Variants in IGSF21 observed in about 807,000 individuals in gnomAD.
IGSF21 encodes immunoglobulin superfamily member 21.
In IGSF21, 28 loss-of-function variants were observed where a neutral mutation model predicts 46.8. That is an observed-to-expected ratio of 0.60 (90% CI 0.44 to 0.82). IGSF21 has a LOEUF of 0.82. IGSF21 is among the 40% of genes least tolerant of loss of function. IGSF21 has a pLI of 0.00. For synonymous variants in IGSF21, 284 were observed against 273.6 expected, an observed-to-expected ratio of 1.04 and a Z score of -0.38; for missense variants, 624 against 665.5, an observed-to-expected ratio of 0.94 and a Z score of 0.69.
intron 2 of IGSF21, among the ~76,000 whole-genome samples, chr1:18,246,334 A>T (rs1256813242): frequency 6.6e-6 from 1 of 151,602 alleles, no homozygotes; most frequent in Non-Finnish European, 1.5e-5. Context: ...CTGCCTATAG[A>T]TTTGCCCTTG....
chr1:18,360,124 C>T (rs1435256038), intron 4 of IGSF21, among the ~76,000 whole-genome samples: 1 of 152,066 alleles, frequency 6.6e-6, no homozygotes. Flanking sequence ...AAGAGTTAGC[C>T]GTTGTGGATT....
chr1:18,274,716 T>C (rs1022454671), intron 2 of IGSF21, among the ~76,000 whole-genome samples: 1 of 152,230 alleles, frequency 6.6e-6, no homozygotes, highest in African/African-American at 2.4e-5. Flanking sequence ...ATCTCTTTCT[T>C]GCTTAGAACT....
chr1:18,342,837 T>G (rs1022598197), intron 4 of IGSF21, among the ~76,000 whole-genome samples: 2 of 152,222 alleles, frequency 1.3e-5, no homozygotes, highest in African/African-American at 4.8e-5. Flanking sequence ...CATTCCTCAG[T>G]GGATGGAAAT....
intron 1 of IGSF21, among the ~76,000 whole-genome samples, chr1:18,123,935 T>C (rs2086255135): frequency 6.6e-6 from 1 of 152,170 alleles, no homozygotes; most frequent in Admixed American, 6.5e-5. Flanking sequence ...AGGCCTGGAC[T>C]CTGCTGGCCC....
chr1:18,362,700 A>G (rs1429054475), intron 5 of IGSF21, among the ~76,000 whole-genome samples: 3 of 152,236 alleles, frequency 2.0e-5, no homozygotes, highest in African/African-American at 4.8e-5. Flanking sequence ...CCCATCTGAA[A>G]GGAGGGACAG....
chr1:18,124,579 G>A (rs550912100), intron 1 of IGSF21, among the ~76,000 whole-genome samples: 3 of 152,134 alleles, frequency 2.0e-5, no homozygotes, highest in East Asian at 1.9e-4. Flanking sequence ...GTGGCTCTTC[G>A]TGTCTCAGGG....
intron 2 of IGSF21, among the ~76,000 whole-genome samples, chr1:18,275,078 A>G (rs901543656): frequency 2.6e-5 from 4 of 152,188 alleles, no homozygotes; most frequent in Admixed American, 2.0e-4. Flanking sequence ...GTGTGGCCCA[A>G]TGCAGAATGA....
chr1:18,303,929 T>A (rs2124578071), intron 3 of IGSF21, among the ~76,000 whole-genome samples: 1 of 152,322 alleles, frequency 6.6e-6, no homozygotes, highest in South Asian at 2.1e-4. Context: ...AGAGAGAACT[T>A]GAATTGTATT....
At chr1:18,226,991 G>T (rs1359559084) in intron 1 of IGSF21, among the ~76,000 whole-genome samples, 5 of 152,248 alleles carry the variant, frequency 3.3e-5, no homozygotes, top group Non-Finnish European at 7.3e-5. Flanking sequence ...TTGGTGTGGA[G>T]AGAGCAGTGT....
At chr1:18,284,747 C>A (rs2085196095) in intron 2 of IGSF21, among the ~76,000 whole-genome samples, 1 of 152,206 alleles carries the variant, frequency 6.6e-6, no homozygotes, top group Admixed American at 6.5e-5. Context: ...CCCCTAACTA[C>A]CATGAAAGGC....
At position 18,290,919 on chromosome 1, in the gene IGSF21, T is replaced by C. The variant is rs947974159; in HGVS notation, c.184-947T>C. 2.6e-5 allele frequency among the ~76,000 whole-genome samples: 4 copies of C among 151,962 alleles called. No individual in the cohort carries two copies. The highest frequency in any genetic ancestry group is 9.7e-5 in the African/African-American group (4 of 41,382). On this transcript the variant is annotated intron_variant, in intron 2 of 9. Coordinates refer to ENST00000251296, the MANE Select transcript of IGSF21 (RefSeq NM_032880.5). The surrounding 1 kb of genome is among the most constrained non-coding windows in gnomAD (Gnocchi z 4.2). ...TAGGCCCAGGCATGAGGCCTCCCCA[T>C]TGCAGGCTGTTAGCGCAGAGCCCAG... is the stretch of plus-strand genomic sequence containing the variant.
intron 6 of IGSF21, chr1:18,375,847 A>G (rs1315264749): frequency 1.1e-5 from 2 of 183,970 alleles, no homozygotes; most frequent in Non-Finnish European, 2.4e-5. Context: ...GCACCTCCCA[A>G]GGGGGTAGCG....
chr1:18,218,887 T>C (rs1388548054), intron 1 of IGSF21, among the ~76,000 whole-genome samples: 2 of 151,978 alleles, frequency 1.3e-5, no homozygotes, highest in Non-Finnish European at 1.5e-5. Flanking sequence ...ACATAGAAGA[T>C]ATAAAGAAGA....
intron 1 of IGSF21, among the ~76,000 whole-genome samples, chr1:18,183,192 A>C (rs1338278652): frequency 2.0e-5 from 3 of 152,214 alleles, no homozygotes; most frequent in Admixed American, 1.3e-4. Context: ...CTTGCCCTGC[A>C]TGTCTGAACC....
At chr1:18,215,760 G>A (rs996264212) in intron 1 of IGSF21, among the ~76,000 whole-genome samples, 2 of 152,122 alleles carry the variant, frequency 1.3e-5, no homozygotes, top group Admixed American at 1.3e-4. Flanking sequence ...TAGGGGTCAG[G>A]GGTTTGGACT....
At chr1:18,206,347 A>G (rs915762122) in intron 1 of IGSF21, among the ~76,000 whole-genome samples, 2 of 152,080 alleles carry the variant, frequency 1.3e-5, no homozygotes, top group Non-Finnish European at 2.9e-5. Context: ...CCAGTAGTTC[A>G]TGACTAGCCT....
At chr1:18,135,710 C>T (rs528127429) in intron 1 of IGSF21, among the ~76,000 whole-genome samples, 110 of 152,112 alleles carry the variant, frequency 7.2e-4, no homozygotes, top group African/African-American at 2.6e-3. Flanking sequence ...TGAATAGTGC[C>T]GCAATAAATA....
intron 2 of IGSF21, among the ~76,000 whole-genome samples, chr1:18,281,409 T>C (rs2085159831): frequency 6.6e-6 from 1 of 151,504 alleles, no homozygotes; most frequent in African/African-American, 2.4e-5. Context: ...CTAAAAAAAA[T>C]ATAAAAACTA....
In IGSF21 at chr1:18,337,627, C is replaced by T. The variant is rs1263173523; in HGVS notation, c.424+2617C>T. ...GGTGTGTCTCTGGGAGTGGCAGAGA[C>T]AGGGGTCTCTCCTTACTCACCTTCT... On this transcript the variant is annotated intron_variant, in intron 4 of 9. Coordinates refer to ENST00000251296, the MANE Select transcript of IGSF21 (RefSeq NM_032880.5). The surrounding 1 kb of genome is among the most constrained non-coding windows in gnomAD (Gnocchi z 5.7). Among the ~76,000 whole-genome samples, 1 of 129,642 alleles carries T rather than the reference C, an allele frequency of 7.7e-6. No individual in the cohort carries two copies. The highest frequency in any genetic ancestry group is 2.7e-4 in the South Asian group (1 of 3,680). 85.1% of individuals were successfully genotyped at this position (129,642 alleles called of 152,430 possible). A position where few individuals can be genotyped will look rare whatever the true frequency, so the allele number is the denominator to read the frequency against.
Sources: gnomAD v4.1 joint callset for allele counts (sites outside exome capture counted in the v4.1 genomes callset) on GRCh38, gnomAD v4.1.1 for gene constraint, Gnocchi (gnomAD v3.1) non-coding constraint, MANE v1.5 for transcripts, NCBI Gene and HGNC (gene_info 2026-07-23, HGNC 2026-07-21) for gene names.